Variants in TMEM185A observed in about 807,000 individuals in gnomAD.
The protein encoded by TMEM185A is family with sequence similarity 11, member A.
TMEM185A carries 9 observed loss-of-function variants against 25.0 expected under a neutral mutation model. The ratio of observed to expected loss-of-function variants is 0.36; its 90% confidence interval spans 0.22 to 0.63. The LOEUF is 0.63. Ranked by LOEUF, TMEM185A falls within the 20% of genes least tolerant of loss-of-function variation. The probability of loss-of-function intolerance (pLI) is 0.68; values close to 1 mark genes in which losing one functional copy is unlikely to be tolerated. For synonymous variants in TMEM185A, 45 were observed against 93.5 expected (o/e 0.48, Z 2.99); for missense variants, 103 against 237.4 (o/e 0.43, Z 3.72).
chrX:149,614,841 G>A (rs184594761), intron 1 of TMEM185A, among the ~76,000 whole-genome samples: 18 of 111,926 alleles, frequency 1.6e-4, no homozygotes, highest in African/African-American at 5.8e-4. Context: ...CAAAGACATG[G>A]AAACTGCAAT....
intron 2 of TMEM185A, among the ~76,000 whole-genome samples, chrX:149,610,428 CAAAAAAAAAAAAAAA>C (rs374846385): frequency 3.8e-5 from 1 of 26,599 alleles, no homozygotes; most frequent in Non-Finnish European, 6.3e-5. Flanking sequence ...AACTCTGTCT[CAAAAAAAAAAAAAAA>C]AAAAAAAAAA....
At chrX:149,614,461 T>C (rs2090100708) in intron 1 of TMEM185A, among the ~76,000 whole-genome samples, 1 of 111,410 alleles carries the variant, frequency 9.0e-6, no homozygotes, top group Non-Finnish European at 1.9e-5. Context: ...TTAGAAAAGA[T>C]ATCAAGTCAA....
At position 149,608,918 on chromosome X, in the gene TMEM185A, AT is replaced by A. The variant is rs2090067243; in HGVS notation, c.216-85del. The A allele has an allele frequency of 4.8e-6, 4 of 827,531 alleles. No individual in the cohort carries two copies. The South Asian group carries it at 1.1e-4, about 22-fold the overall frequency. The allele number at this position is 827,531 out of a possible 1,213,427, so 68.2% of individuals were successfully genotyped here. ...CAGTTCAGGGCAAATACCAACTTATATTTATACTTTGAATTTTACTTGAAAA... is the reference window on the plus strand; with the variant it reads ...CAGTTCAGGGCAAATACCAACTTATATTATACTTTGAATTTTACTTGAAAA... On this transcript the variant is annotated intron_variant, in intron 2 of 6. Transcript: ENST00000600449.
At position 149,608,693 on chromosome X, in the gene TMEM185A, C is replaced by T. The variant is rs782211754; in HGVS notation, c.357G>A (p.Leu119=). 21 of 1,210,270 alleles carry T rather than the reference C, an allele frequency of 1.7e-5. No individual in the cohort carries two copies. Among genetic ancestry groups the T allele is most frequent in the Non-Finnish European group, 2.3e-5 (21 of 895,381 alleles). ...CAACAGACACCGGGGAAACAAAGAA[C>T]AGCGGCATGAAGACCAGGAGCCAGA... ...SHFWLLVFMP[L]FFVSPVSVAA... Residue 119 remains leucine, a synonymous_variant, in exon 3 of 7, where the codon CTG becomes CTA. Coordinates refer to ENST00000600449, the MANE Select transcript of TMEM185A (RefSeq NM_032508.4).
chrX:149,603,075 G>A (rs782440701), intron 4 of TMEM185A, among the ~76,000 whole-genome samples: 5 of 111,855 alleles, frequency 4.5e-5, no homozygotes, highest in African/African-American at 1.6e-4. Context: ...AGTGGCAATG[G>A]AACTCTTCTG....
chrX:149,603,007 A>C lies in TMEM185A; in HGVS notation c.507+980T>G, dbSNP rs1322584468. Among the ~76,000 whole-genome samples, 2 of 112,215 alleles carry C rather than the reference A, an allele frequency of 1.8e-5. 1 individual carries two copies. The highest frequency in any genetic ancestry group is 6.5e-5 in the African/African-American group (2 of 30,866). On this transcript the variant is annotated intron_variant, in intron 4 of 6. Coordinates refer to ENST00000600449, the MANE Select transcript of TMEM185A (RefSeq NM_032508.4). ...TAAAATATATTGTATGCAAAATTAT[A>C]CATCAAACAACAGAGAAAATAAAAC...
At chrX:149,624,162 T>C (rs1370176014) in intron 1 of TMEM185A, among the ~76,000 whole-genome samples, 1 of 112,553 alleles carries the variant, frequency 8.9e-6, no homozygotes, top group East Asian at 2.8e-4. Context: ...TTCTTAAAAT[T>C]CACTTTTCCA....
intron 2 of TMEM185A, among the ~76,000 whole-genome samples, chrX:149,609,917 T>G (rs1335320128): frequency 1.8e-5 from 2 of 111,875 alleles, no homozygotes; most frequent in Admixed American, 1.9e-4. Flanking sequence ...GCAATTAATA[T>G]TAGATATCTG....
At chrX:149,613,195 G>A (rs1261410389) in intron 1 of TMEM185A, among the ~76,000 whole-genome samples, 10 of 112,225 alleles carry the variant, frequency 8.9e-5, no homozygotes, top group African/African-American at 3.2e-4. Context: ...TGGAATTAAG[G>A]TTACTAATCA....
intron 1 of TMEM185A, among the ~76,000 whole-genome samples, chrX:149,613,201 A>G (rs2090093224): frequency 8.9e-6 from 1 of 112,492 alleles, no homozygotes; most frequent in Non-Finnish European, 1.9e-5. Flanking sequence ...TAAGGTTACT[A>G]ATCAGCTAAC....
chrX:149,609,121 TC>T (rs1210835832), intron 2 of TMEM185A, among the ~76,000 whole-genome samples: 2 of 112,565 alleles, frequency 1.8e-5, no homozygotes, highest in African/African-American at 6.5e-5. Flanking sequence ...AGTTCTTATT[TC>T]CCTGACAATG....
intron 1 of TMEM185A, among the ~76,000 whole-genome samples, chrX:149,612,613 A>G (rs1557354637): frequency 1.8e-5 from 2 of 112,503 alleles, no homozygotes; most frequent in African/African-American, 6.5e-5. Flanking sequence ...AGCTTAAAAC[A>G]ACGTAAATTT....
intron 1 of TMEM185A, among the ~76,000 whole-genome samples, chrX:149,621,948 T>G (rs1369877044): frequency 2.7e-5 from 3 of 112,264 alleles, no homozygotes; most frequent in African/African-American, 9.7e-5. Context: ...AATTCCCCTT[T>G]GCCATGTAAC....
At chrX:149,621,482 G>C (rs1355784731) in intron 1 of TMEM185A, among the ~76,000 whole-genome samples, 3 of 111,836 alleles carry the variant, frequency 2.7e-5, no homozygotes, top group African/African-American at 9.8e-5. Context: ...CAAATACTAG[G>C]GTTAGAAAAA....
chrX:149,618,384 G>A (rs1199983891), intron 1 of TMEM185A, among the ~76,000 whole-genome samples: 1 of 111,075 alleles, frequency 9.0e-6, no homozygotes, highest in Non-Finnish European at 1.9e-5. Context: ...AGAAAACTAC[G>A]CTGGGAAGAT....
chrX:149,608,857 A>G, intron 2 of TMEM185A, 23 bp from the exon 3 acceptor site: 1 of 1,176,738 alleles, frequency 8.5e-7, no homozygotes, highest in Admixed American at 2.2e-5. Context: ...GAGAAGAAGA[A>G]AACACCCTCA....
intron 3 of TMEM185A, chrX:149,605,069 G>C (rs1557353092): frequency 8.9e-6 from 1 of 112,395 alleles, no homozygotes; most frequent in Non-Finnish European, 1.9e-5. Flanking sequence ...TGGGGGAGAA[G>C]AAATTTCAAC....
Position 149,623,234 on chromosome X carries a change from C to A in TMEM185A, c.38+8309G>T, listed in dbSNP as rs1337120028. 2.7e-5 allele frequency among the ~76,000 whole-genome samples: 3 copies of A among 111,664 alleles called. 1 individual carries two copies. The highest frequency in any genetic ancestry group is 9.2e-3 in the Middle Eastern group (2 of 217). ...TCTATAAATCGTGGTGGGTAGGGTGCTGCAGAGACAGGAGAAAGGGTACTG... is the reference window on the plus strand; with the variant it reads ...TCTATAAATCGTGGTGGGTAGGGTGATGCAGAGACAGGAGAAAGGGTACTG... On this transcript the variant is annotated intron_variant, in intron 1 of 6. Transcript: ENST00000600449.
Position 149,602,549 on chromosome X carries a change from C to G in TMEM185A, c.507+1438G>C, listed in dbSNP as rs1009114469. Among the ~76,000 whole-genome samples the G allele has an allele frequency of 6.2e-5, 7 of 112,424 alleles. No homozygotes were observed. The East Asian group carries it at 1.9e-3, about 31-fold the overall frequency. On this transcript the variant is annotated intron_variant, in intron 4 of 6. Coordinates refer to ENST00000600449, the MANE Select transcript of TMEM185A (RefSeq NM_032508.4). The stretch of plus-strand genomic sequence containing the variant: ...CCTTCATGGGTGGAATGTTAGATCT[C>G]AATAGGCTTCCTTGTTTTCTCTTGC...
Sources: gnomAD v4.1 joint callset for allele counts (sites outside exome capture counted in the v4.1 genomes callset) on GRCh38, gnomAD v4.1.1 for gene constraint, MANE v1.5 for transcripts, NCBI Gene and HGNC (gene_info 2026-07-23, HGNC 2026-07-21) for gene names.